Variants in SCLY observed in about 807,000 individuals in gnomAD.
SCLY encodes putative selenocysteine lyase.
In SCLY, 38 loss-of-function variants were observed where a neutral mutation model predicts 50.1. That is an observed-to-expected ratio of 0.76 (90% confidence interval 0.59 to 0.99). The LOEUF is 0.99. Among genes scored for constraint, SCLY ranks in the 50% least tolerant of loss-of-function variants. The pLI is 0.00. For synonymous variants in SCLY, 243 were observed against 249.4 expected (o/e 0.97, Z 0.24); for missense variants, 600 against 620.0 (o/e 0.97, Z 0.34).
rs1430001561 is a variant in SCLY at position 238,061,090 on chromosome 2, G to C, written c.36G>C (p.Pro12=). ...CCGTGGCGCCGGGGAGGGATGCGCC[G>C]GCACCCGCGGCGAGTCAGCCCAGCG... ...EAAVAPGRDA[P]APAASQPSGC... The change falls in exon 1 of 12, where the codon CCG becomes CCC. Residue 12 remains proline, a synonymous_variant. Transcript: ENST00000254663. The C allele has an allele frequency of 7.2e-7, 1 of 1,397,896 alleles. No homozygotes were observed. Among genetic ancestry groups the C allele is most frequent in the Non-Finnish European group, 9.2e-7 (1 of 1,086,656 alleles). 86.6% of individuals were successfully genotyped at this position (1,397,896 alleles called of 1,614,324 possible).
At chr2:238,093,501 A>T (rs546892259) in intron 8 of SCLY, 15 of 300,060 alleles carry the variant, frequency 5.0e-5, no homozygotes, top group Non-Finnish European at 9.7e-5. Flanking sequence ...CTCTGTCACC[A>T]CCCCACCTTG....
Position 238,098,657 on chromosome 2 carries a change from A to ACATGGGAACGCCCG in SCLY, c.*305_*306insGGGAACGCCCGCAT, listed in dbSNP as rs1559254961. ...TGGGACCGCCCACATGGGACCGCCC[A>ACATGGGAACGCCCG]CATAGAACCGTCCTCCAGTGGTGAA... On this transcript the variant is annotated 3_prime_UTR_variant, in exon 12 of 12. Transcript: ENST00000254663. The ACATGGGAACGCCCG allele has an allele frequency of 4.3e-5, 19 of 440,638 alleles. No individual in the cohort carries two copies. The highest frequency in any genetic ancestry group is 3.4e-4 in the African/African-American group (17 of 49,376). 27.3% of individuals were successfully genotyped at this position (440,638 alleles called of 1,614,324 possible). A position where few individuals can be genotyped will look rare whatever the true frequency, so the allele number is the denominator to read the frequency against.
rs1691284898 is a variant in SCLY at position 238,098,376 on chromosome 2, C to G, written c.*21C>G. ...CCTAGCACTGGGGCCGCCTTCCCCA[C>G]CCCGCTTCTGGGAAGCCCGTGGCAG... On this transcript the variant is annotated 3_prime_UTR_variant, in exon 12 of 12. Transcript: ENST00000254663. 3 of 1,571,504 alleles carry G rather than the reference C, an allele frequency of 1.9e-6. No individual in the cohort carries two copies. The Admixed American group carries it at 5.2e-5, about 27-fold the overall frequency.
In SCLY at chr2:238,081,722, C is replaced by G; in HGVS notation, c.498C>G (p.Val166=). 6.2e-7 allele frequency: 1 copy of G among 1,614,122 alleles called. No individual in the cohort carries two copies. Among genetic ancestry groups the G allele is most frequent in the Non-Finnish European group, 8.5e-7 (1 of 1,179,984 alleles). The change falls in exon 5 of 12, where the codon GTC becomes GTG. Residue 166 remains valine, a synonymous_variant. Coordinates refer to ENST00000254663, the MANE Select transcript of SCLY (RefSeq NM_016510.7). ...VEEQVAAVTF[V]PVSKVSGQAE... is the part of the protein sequence containing the mutation. ...TTTGTTTCCCAGCGGTCACCTTTGT[C>G]CCGGTGTCCAAGGTGAGCGGGCAGG...
At chr2:238,093,804 T>C (rs989045266) in intron 8 of SCLY, 57 bp from the exon 9 acceptor site, 13 of 1,508,252 alleles carry the variant, frequency 8.6e-6, no homozygotes, top group Admixed American at 5.5e-5. Flanking sequence ...GAAAGCTTTT[T>C]GGCCCTCCTT....
chr2:238,061,225 G>A, intron 1 of SCLY, 82 bp downstream of exon 1: 2 of 1,082,106 alleles, frequency 1.8e-6, no homozygotes, highest in Non-Finnish European at 2.8e-6. Context: ...GGGGGCTCCC[G>A]GCCTGTGGCC....
intron 10 of SCLY, chr2:238,096,301 T>C (rs531162056): frequency 4.1e-4 from 79 of 193,914 alleles, no homozygotes; most frequent in Middle Eastern, 4.4e-3. Context: ...TCCTTCTACC[T>C]TGGCCTCCCA....
intron 10 of SCLY, 101 bp downstream of exon 10, chr2:238,094,623 A>G: frequency 9.8e-7 from 1 of 1,016,562 alleles, no homozygotes; most frequent in Non-Finnish European, 1.5e-6. Context: ...TGCCCTGAGC[A>G]TGACACAGCT....
chr2:238,093,362 T>C, intron 8 of SCLY: 1 of 174,546 alleles, frequency 5.7e-6, no homozygotes, highest in Non-Finnish European at 1.2e-5. Flanking sequence ...TGTCGATCTG[T>C]CCCTGCGCCT....
Position 238,083,428 on chromosome 2 carries a change from C to G in SCLY, c.884+74C>G. ...GTAGAGCAGTGACATTGTAAAGAAA[C>G]ATGGCGCTGTTTCTTGGTCTCGTGG... On this transcript the variant is annotated intron_variant, in intron 7 of 11. Coordinates refer to ENST00000254663, the MANE Select transcript of SCLY (RefSeq NM_016510.7). This position sits in a 1 kb window ranked among gnomAD's most constrained non-coding sequence, Gnocchi z 4.3. The G allele has an allele frequency of 8.8e-7, 1 of 1,136,122 alleles. No individual in the cohort carries two copies. Among genetic ancestry groups the G allele is most frequent in the South Asian group, 1.2e-5 (1 of 80,952 alleles). 70.4% of individuals were successfully genotyped at this position (1,136,122 alleles called of 1,614,324 possible). A position where few individuals can be genotyped will look rare whatever the true frequency, so the allele number is the denominator to read the frequency against.
rs369034876 is a variant in SCLY, at chr2:238,098,257, C to T, written c.1240C>T (p.Leu414Phe). The T allele has an allele frequency of 5.6e-6, 9 of 1,610,862 alleles. No homozygotes were observed. Among genetic ancestry groups the T allele is most frequent in the Non-Finnish European group, 8.5e-7 (1 of 1,179,722 alleles). ...CCCCTTCGACGTGGCCAGGAACGCG[C>T]TCCGGCTCAGCGTGGGCCGCAGCAC... is the stretch of plus-strand genomic sequence containing the variant. ...GVPFDVARNA[L>F]RLSVGRSTTR... Residue 414 changes from leucine (L) to phenylalanine (F), a missense_variant, in exon 12 of 12, where the codon CTC becomes TTC. By Grantham distance (22) the Leu-to-Phe change is conservative (BLOSUM62 0). Coordinates refer to ENST00000254663, the MANE Select transcript of SCLY (RefSeq NM_016510.7).
chr2:238,093,863 C>T lies in SCLY; in HGVS notation c.924C>T (p.Ala308=), dbSNP rs200987240. Residue 308 remains alanine (A), a splice_region_variant and synonymous_variant, in exon 9 of 12, where the codon GCC becomes GCT. Transcript: ENST00000254663. ...NTPMIAGLGK[A]AELVTQNCEA... ...ACTTGTTGTGTGTCTGCCCCCAGGC[C>T]GCGGAGCTGGTGACCCAGAACTGCG... 19 of 1,613,598 alleles carry T rather than the reference C, an allele frequency of 1.2e-5. No individual in the cohort carries two copies. In the East Asian group the frequency reaches 2.5e-4, roughly 21 times the overall value.
chr2:238,096,667 A>G (rs1212448922), intron 10 of SCLY, 134 bp from the exon 11 acceptor site: 14 of 930,744 alleles, frequency 1.5e-5, no homozygotes, highest in Non-Finnish European at 2.2e-5. Flanking sequence ...CAGCTGCCAG[A>G]ATGGCCAGTG....
At chr2:238,097,845 C>T (rs1271844208) in intron 11 of SCLY, among the ~76,000 whole-genome samples, 3 of 152,120 alleles carry the variant, frequency 2.0e-5, no homozygotes, top group Non-Finnish European at 4.4e-5. Context: ...TCAGGTGGGC[C>T]GCATGGGTAA....
chr2:238,076,100 A>ATT (rs71402761), intron 4 of SCLY, among the ~76,000 whole-genome samples: 2 of 106,176 alleles, frequency 1.9e-5, no homozygotes, highest in Non-Finnish European at 2.0e-5. Flanking sequence ...TATGATTTGT[A>ATT]TTTTTTTTTT....
At chr2:238,097,867 T>G (rs996874367) in intron 11 of SCLY, among the ~76,000 whole-genome samples, 2 of 152,126 alleles carry the variant, frequency 1.3e-5, no homozygotes, top group Non-Finnish European at 2.9e-5. Context: ...GCACTGTCTG[T>G]GTCGGCATCC....
At chr2:238,097,825 A>C (rs1369993894) in intron 11 of SCLY, among the ~76,000 whole-genome samples, 2 of 152,088 alleles carry the variant, frequency 1.3e-5, no homozygotes, top group African/African-American at 4.8e-5. Flanking sequence ...CCATGAAGTT[A>C]CCAAGTGGCT....
At chr2:238,089,919 T>G (rs1357693513) in intron 7 of SCLY, among the ~76,000 whole-genome samples, 1 of 152,146 alleles carries the variant, frequency 6.6e-6, no homozygotes, top group African/African-American at 2.4e-5. Flanking sequence ...AATTGATAAA[T>G]TAGACTTCAT....
intron 4 of SCLY, chr2:238,081,398 C>A (rs900966927): frequency 8.8e-5 from 27 of 305,606 alleles, no homozygotes; most frequent in Non-Finnish European, 1.6e-4. Context: ...GCACTAGGAC[C>A]CTCCCCAAAA....
Sources: allele counts gnomAD v4.1 joint callset (sites outside exome capture counted in the v4.1 genomes callset), GRCh38; gene constraint gnomAD v4.1.1; non-coding constraint Gnocchi (gnomAD v3.1); transcripts MANE v1.5; gene names NCBI Gene and HGNC (gene_info 2026-07-23, HGNC 2026-07-21).